CFAP46: variants seen among roughly 807,000 people sequenced by gnomAD.
The protein encoded by CFAP46 is cilia and flagella associated protein 46.
Under a neutral mutation model 325.7 loss-of-function variants are expected in CFAP46, and 245 were observed. That is an observed-to-expected ratio of 0.75 (90% confidence interval 0.68 to 0.84). The LOEUF is 0.84. CFAP46 is among the 40% of genes least tolerant of loss of function. The probability of loss-of-function intolerance (pLI) is 0.00; values close to 1 mark genes in which losing one functional copy is unlikely to be tolerated. For missense variants in CFAP46, 3,346 were observed against 3,543.0 expected (o/e 0.94, Z 1.41); for synonymous variants, 1,523 against 1,495.9 (o/e 1.02, Z -0.42).
chr10:132,865,854 C>T (rs1476771058), intron 35 of CFAP46, among the ~76,000 whole-genome samples, 171 bp downstream of exon 35: 1 of 152,220 alleles, frequency 6.6e-6, no homozygotes, highest in Non-Finnish European at 1.5e-5. Flanking sequence ...GACGGACAGA[C>T]AGAGGACGCA....
intron 38 of CFAP46, 48 bp from the exon 39 acceptor site, chr10:132,857,836 CTAAA>C: frequency 2.2e-6 from 3 of 1,381,930 alleles, no homozygotes; most frequent in Non-Finnish European, 2.9e-6. Context: ...GTTATTATTA[CTAAA>C]TGTTTAATAT....
intron 24 of CFAP46, among the ~76,000 whole-genome samples, chr10:132,897,015 G>A (rs1002727094): frequency 3.9e-5 from 6 of 152,216 alleles, no homozygotes; most frequent in Non-Finnish European, 7.3e-5. Flanking sequence ...ACTAGGGAAA[G>A]CACAGTCTCT....
At chr10:132,931,610 G>A (rs1000925658) in intron 8 of CFAP46, among the ~76,000 whole-genome samples, 5 of 95,142 alleles carry the variant, frequency 5.3e-5, no homozygotes, top group African/African-American at 2.1e-4. Context: ...CCCATACAGA[G>A]GCTAGGCCTC....
chr10:132,919,408 G>A lies in CFAP46; in HGVS notation c.1765C>T (p.Arg589Trp), dbSNP rs774784098. The change falls in exon 15 of 58, where the codon CGG becomes TGG. Residue 589 changes from arginine (R) to tryptophan (W), a missense_variant. Coordinates refer to ENST00000368586, the MANE Select transcript of CFAP46 (RefSeq NM_001200049.3). The surrounding 1 kb of genome is among the most constrained non-coding windows in gnomAD (Gnocchi z 9.7). Reference protein sequence around the residue: ...QIWAELAKVARKQGVWDVCRT... With the variant: ...QIWAELAKVAWKQGVWDVCRT... ...CAGACGTCCCACACGCCTTGTTTCC[G>A]GGCCACTTTGGCCAGCTCTGCCCAA... The A allele has an allele frequency of 8.4e-6, 13 of 1,549,980 alleles. No individual in the cohort carries two copies. The highest frequency in any genetic ancestry group is 1.4e-5 in the African/African-American group (1 of 73,020).
At chr10:132,813,432 C>T (rs541805423) in intron 54 of CFAP46, among the ~76,000 whole-genome samples, 13 of 144,876 alleles carry the variant, frequency 9.0e-5, no homozygotes, top group Admixed American at 2.7e-4. Context: ...AGCCCCACCT[C>T]TGCACACACC....
chr10:132,913,342 GAACCAGGCTGCA>G, intron 17 of CFAP46, 84 bp from the exon 18 acceptor site: 1 of 543,466 alleles, frequency 1.8e-6, no homozygotes, highest in Non-Finnish European at 3.2e-6. Context: ...GGCCTGTTAG[GAACCAGGCTGCA>G]GGGCAAGAAG....
At chr10:132,851,454 G>T in intron 39 of CFAP46, 149 bp from the exon 40 acceptor site, 1 of 722,360 alleles carries the variant, frequency 1.4e-6, no homozygotes, top group Non-Finnish European at 2.2e-6. Context: ...CTTTGATCAC[G>T]AATACACCCG....
At chr10:132,908,774 G>A (rs1233148077) in intron 21 of CFAP46, 140 bp from the exon 22 acceptor site, 1 of 1,094,296 alleles carries the variant, frequency 9.1e-7, no homozygotes, top group Non-Finnish European at 1.3e-6. Context: ...CACAAAAGCT[G>A]AGCTGCCACG....
At chr10:132,814,278 C>T (rs1847643566) in intron 53 of CFAP46, 24 bp from the exon 54 acceptor site, 1 of 1,574,832 alleles carries the variant, frequency 6.3e-7, no homozygotes, top group Admixed American at 1.7e-5. Flanking sequence ...AGGGTGGATA[C>T]AGACCACGGT....
chr10:132,864,296 CCTGTACACACCTGTTCCCCTGCCTGAG>C, intron 35 of CFAP46, among the ~76,000 whole-genome samples: 1 of 134,040 alleles, frequency 7.5e-6, no homozygotes, highest in African/African-American at 2.7e-5. Context: ...CTGCCTGAGA[CCTGTACACACCTGTTCCCCTGCCTGAG>C]ACCTGCACAC....
chr10:132,821,758 GTGTGTGC>G (rs1235413043), intron 50 of CFAP46, among the ~76,000 whole-genome samples: 8 of 138,844 alleles, frequency 5.8e-5, no homozygotes, highest in Admixed American at 3.5e-4. Context: ...TGTGTGCTGT[GTGTGTGC>G]TGTGTGCTGT....
At chr10:132,898,314 G>A (rs2135472603) in intron 24 of CFAP46, among the ~76,000 whole-genome samples, 1 of 152,330 alleles carries the variant, frequency 6.6e-6, no homozygotes, top group East Asian at 1.9e-4. Context: ...ACAAGGCTGA[G>A]GCTTGTCCTG....
rs1048925933 is a variant in CFAP46 at position 132,869,810 on chromosome 10, G to A, written c.4512-438C>T. Among the ~76,000 whole-genome samples the A allele has an allele frequency of 1.3e-5, 2 of 152,250 alleles. No homozygotes were observed. Among genetic ancestry groups the A allele is most frequent in the South Asian group, 2.1e-4 (1 of 4,816 alleles). On this transcript the variant is annotated intron_variant, in intron 32 of 57. Transcript: ENST00000368586. This position sits in a 1 kb window ranked among gnomAD's most constrained non-coding sequence, Gnocchi z 6.2. ...TGGTCCCTCTTAGCCCCGTGACCAC[G>A]CCTGCTCCAGCCTCCTCTCCCGTGC...
chr10:132,839,257 G>A (rs1232938668), intron 44 of CFAP46, among the ~76,000 whole-genome samples: 1 of 152,158 alleles, frequency 6.6e-6, no homozygotes, highest in East Asian at 1.9e-4. Flanking sequence ...TGTGTCTCCC[G>A]TGGCCACAGG....
chr10:132,869,032 G>A lies in CFAP46; in HGVS notation c.4610+242C>T, dbSNP rs1848857846. Among the ~76,000 whole-genome samples, 1 of 152,200 alleles carries A rather than the reference G, an allele frequency of 6.6e-6. No homozygotes were observed. On this transcript the variant is annotated intron_variant, in intron 33 of 57. Coordinates refer to ENST00000368586, the MANE Select transcript of CFAP46 (RefSeq NM_001200049.3). This position sits in a 1 kb window ranked among gnomAD's most constrained non-coding sequence, Gnocchi z 6.2. ...GCCAGCCTTTCTGTCCTCCGGGGAG[G>A]GGCTCGGGCCACCCTGGAGAGCCCC...
chr10:132,941,396 G>A (rs780786181), intron 3 of CFAP46, among the ~76,000 whole-genome samples, 195 bp downstream of exon 3: 21 of 152,232 alleles, frequency 1.4e-4, no homozygotes, highest in Non-Finnish European at 2.2e-4. Context: ...AGGTCCAGGG[G>A]TCCTGTGTGT....
intron 13 of CFAP46, 142 bp from the exon 14 acceptor site, chr10:132,920,324 C>T (rs1849703936): frequency 1.8e-6 from 2 of 1,095,506 alleles, no homozygotes; most frequent in South Asian, 1.7e-5. Context: ...CCCCGGCTCC[C>T]AGAAGCCGAG....
chr10:132,913,118 G>A lies in CFAP46; in HGVS notation c.2261C>T (p.Ala754Val), dbSNP rs1399513551. 27 of 1,550,408 alleles carry A rather than the reference G, an allele frequency of 1.7e-5. No homozygotes were observed. In the Middle Eastern group the frequency reaches 1.8e-3, roughly 106 times the overall value. ...GTCCACCAGCTCCTTCTGCCGCCCG[G>A]CCAGGATCAGGTGGTGGTTGTGGTT... ...VLNHNHHLIL[A>V]GRQKELVDAL... The change falls in exon 18 of 58, where the codon GCC becomes GTC. Residue 754 changes from alanine to valine, a missense_variant. By Grantham distance (64) the Ala-to-Val change is moderately conservative. Coordinates refer to ENST00000368586, the MANE Select transcript of CFAP46 (RefSeq NM_001200049.3).
At chr10:132,856,807 A>G (rs1270171409) in intron 39 of CFAP46, among the ~76,000 whole-genome samples, 1 of 152,146 alleles carries the variant, frequency 6.6e-6, no homozygotes, top group African/African-American at 2.4e-5. Context: ...CTATACGGCA[A>G]TATTTTATCG....
Sources: allele counts gnomAD v4.1 joint callset (sites outside exome capture counted in the v4.1 genomes callset), GRCh38; gene constraint gnomAD v4.1.1; non-coding constraint Gnocchi (gnomAD v3.1); transcripts MANE v1.5; gene names NCBI Gene and HGNC (gene_info 2026-07-23, HGNC 2026-07-21).